IMMP2L: variants seen among roughly 807,000 people sequenced by gnomAD.
IMMP2L encodes the protein mitochondrial inner membrane protease subunit 2.
A neutral mutation model predicts 19.3 loss-of-function variants in IMMP2L; 18 were observed. The ratio of observed to expected loss-of-function variants is 0.93; its 90% CI spans 0.64 to 1.38. IMMP2L has a LOEUF of 1.38. Ranked by LOEUF, IMMP2L falls within the 40% of genes most tolerant of loss-of-function variation. IMMP2L has a pLI of 0.00. For missense variants in IMMP2L, 233 were observed against 218.2 expected, an observed-to-expected ratio of 1.07 and a Z score of -0.43; for synonymous variants, 76 against 73.0, an observed-to-expected ratio of 1.04 and a Z score of -0.21.
At chr7:110,718,076 C>A (rs528531062) in intron 5 of IMMP2L, among the ~76,000 whole-genome samples, 1 of 152,078 alleles carries the variant, frequency 6.6e-6, no homozygotes, top group Admixed American at 6.6e-5. Context: ...TAGTTTAGGA[C>A]CAAAAATGGG....
chr7:111,392,895 G>A, intron 3 of IMMP2L: 1 of 454,916 alleles, frequency 2.2e-6, no homozygotes, highest in Non-Finnish European at 4.4e-6. Flanking sequence ...AGTAGCTTTT[G>A]TCCCCATGGA....
Position 110,956,022 on chromosome 7 carries a change from G to A in IMMP2L, c.305+7478C>T, listed in dbSNP as rs7786637. ...GTTTTTCTTCCTATAAAGATTCATCGTTTGCTGGAACCTAATATGATTCAA... is the reference window on the plus strand; with the variant it reads ...GTTTTTCTTCCTATAAAGATTCATCATTTGCTGGAACCTAATATGATTCAA... On this transcript the variant is annotated intron_variant, in intron 4 of 5. Transcript: ENST00000405709. Among the ~76,000 whole-genome samples, 769 of 151,798 alleles carry A rather than the reference G, an allele frequency of 5.1e-3. 11 individuals carry two copies. Among genetic ancestry groups the A allele is most frequent in the African/African-American group, 0.018 (735 of 41,422 alleles).
At chr7:110,680,573 G>A (rs1469872817) in intron 5 of IMMP2L, among the ~76,000 whole-genome samples, 4 of 152,150 alleles carry the variant, frequency 2.6e-5, no homozygotes. Context: ...AGTTTTAAAT[G>A]TGCACATGGT....
In IMMP2L at chr7:110,886,648, A is replaced by G. The variant is rs1563054640; in HGVS notation, c.353T>C (p.Ile118Thr). Residue 118 changes from isoleucine (I) to threonine (T), a missense_variant, in exon 5 of 6, where the codon ATC (isoleucine) becomes ACC (threonine). Transcript: ENST00000405709. Reference protein sequence around the residue: ...NRYVKVPRGHIWVEGDHHGHS... With the variant: ...NRYVKVPRGHTWVEGDHHGHS... ...TCCATGATGATCACCTTCAACCCAG[A>G]TGTGACCACGGGGGACTTTGACATA... The G allele has an allele frequency of 6.2e-7, 1 of 1,610,468 alleles. No homozygotes were observed. The highest frequency in any genetic ancestry group is 1.7e-5 in the Admixed American group (1 of 59,944).
intron 3 of IMMP2L, among the ~76,000 whole-genome samples, chr7:111,476,872 T>TG (rs1378040248): frequency 1.3e-5 from 2 of 152,200 alleles, no homozygotes; most frequent in Non-Finnish European, 2.9e-5. Flanking sequence ...TAAGGGCTCA[T>TG]GTGATTGCAC....
chr7:111,140,692 T>C (rs28690804), intron 3 of IMMP2L, among the ~76,000 whole-genome samples: 4,027 of 152,270 alleles, frequency 0.026, 186 homozygotes, highest in African/African-American at 0.092. Flanking sequence ...TCACAGGATG[T>C]AGAACTGAAA....
chr7:111,478,009 T>G (rs999470743), intron 3 of IMMP2L, among the ~76,000 whole-genome samples: 18 of 152,198 alleles, frequency 1.2e-4, no homozygotes, highest in Non-Finnish European at 8.8e-5. Context: ...ATTCTGTGGA[T>G]TGATGTCTTT....
rs533711495 is a variant in IMMP2L at position 110,734,791 on chromosome 7, T to C, written c.409-71070A>G. Among the ~76,000 whole-genome samples, 64 of 152,304 alleles carry C rather than the reference T, an allele frequency of 4.2e-4. 2 individuals carry two copies. Among genetic ancestry groups the C allele is most frequent in the African/African-American group, 1.5e-3 (64 of 41,574 alleles). ...AAGTTGCTGGCACAAATAAGGGAAC[T>C]TGCCCAGGTGGCTTGCCTAAGACAT... On this transcript the variant is annotated intron_variant, in intron 5 of 5. Coordinates refer to ENST00000405709, the MANE Select transcript of IMMP2L (RefSeq NM_032549.4).
chr7:111,531,145 C>T (rs1847356635), intron 1 of IMMP2L, among the ~76,000 whole-genome samples: 1 of 151,896 alleles, frequency 6.6e-6, no homozygotes, highest in East Asian at 1.9e-4. Context: ...TTAGTAGAAA[C>T]AGGGTTTCAC....
rs114297321 is a variant in IMMP2L at position 111,374,107 on chromosome 7, A to C, written c.239+113131T>G. 2.8e-3 allele frequency among the ~76,000 whole-genome samples: 424 copies of C among 152,178 alleles called. 1 individual carries two copies. The highest frequency in any genetic ancestry group is 9.5e-3 in the African/African-American group (396 of 41,540). ...CATCATGGTCACTTCAGATTATATAATGGGAGCTGCTCTGAACTATCCAAG... is the reference window on the plus strand; with the variant it reads ...CATCATGGTCACTTCAGATTATATACTGGGAGCTGCTCTGAACTATCCAAG... On this transcript the variant is annotated intron_variant, in intron 3 of 5. Transcript: ENST00000405709.
intron 3 of IMMP2L, among the ~76,000 whole-genome samples, chr7:110,994,903 A>G (rs1822874783): frequency 6.6e-6 from 1 of 152,176 alleles, no homozygotes; most frequent in African/African-American, 2.4e-5. Context: ...GATATTACAC[A>G]GAAAGGAACA....
chr7:111,009,379 T>C (rs1230587607), intron 3 of IMMP2L, among the ~76,000 whole-genome samples: 1 of 152,040 alleles, frequency 6.6e-6, no homozygotes, highest in Non-Finnish European at 1.5e-5. Flanking sequence ...TTTTTCTGAG[T>C]GTATTTTTTA....
rs147244354 is a variant in IMMP2L, at chr7:110,755,520, C to G, written c.409-91799G>C. Among the ~76,000 whole-genome samples the G allele has an allele frequency of 2.6e-4, 39 of 152,170 alleles. No homozygotes were observed. In the East Asian group the frequency reaches 5.8e-3, roughly 23 times the overall value. ...TAGCCACAATCTAAATATAGCATCA[C>G]GTATTTATAGAGCACCTAATGTGTG... On this transcript the variant is annotated intron_variant, in intron 5 of 5. Transcript: ENST00000405709.
intron 5 of IMMP2L, among the ~76,000 whole-genome samples, chr7:110,731,675 TTAAA>T (rs1796285240): frequency 6.6e-6 from 1 of 152,142 alleles, no homozygotes; most frequent in African/African-American, 2.4e-5. Flanking sequence ...AAAAATGCCA[TTAAA>T]TATAATACCT....
chr7:111,306,447 TTC>T (rs1336014666), intron 3 of IMMP2L, among the ~76,000 whole-genome samples: 1 of 152,112 alleles, frequency 6.6e-6, no homozygotes, highest in Non-Finnish European at 1.5e-5. Context: ...TCCGTTCAAT[TTC>T]TCTGTGAAAC....
chr7:111,469,984 G>A (rs1458631154), intron 3 of IMMP2L, among the ~76,000 whole-genome samples: 3 of 151,960 alleles, frequency 2.0e-5, no homozygotes, highest in Admixed American at 2.0e-4. Flanking sequence ...ATCTGACAAA[G>A]GGCTAATATC....
rs146744088 is a variant in IMMP2L, at chr7:111,061,089, G to C, written c.240-97524C>G. On this transcript the variant is annotated intron_variant, in intron 3 of 5. Coordinates refer to ENST00000405709, the MANE Select transcript of IMMP2L (RefSeq NM_032549.4). ...GCATTCCTAAAACAAATGTATATGC[G>C]TGAAGTCTGGCTATTTAATCACCTG... Among the ~76,000 whole-genome samples the C allele has an allele frequency of 2.0e-5, 3 of 152,142 alleles. No homozygotes were observed. The East Asian group carries it at 5.8e-4, about 29-fold the overall frequency.
intron 3 of IMMP2L, among the ~76,000 whole-genome samples, chr7:111,126,202 G>A (rs1801292887): frequency 6.6e-6 from 1 of 151,998 alleles, no homozygotes; most frequent in African/African-American, 2.4e-5. Context: ...ATCTCTCTCT[G>A]ATTCAAAACA....
intron 5 of IMMP2L, among the ~76,000 whole-genome samples, chr7:110,670,878 A>G (rs190087110): frequency 1.3e-5 from 2 of 152,280 alleles, no homozygotes; most frequent in East Asian, 3.9e-4. Context: ...AACTCTTCCA[A>G]TAGGTTAAAT....
Sources: allele counts gnomAD v4.1 joint callset (sites outside exome capture counted in the v4.1 genomes callset), GRCh38; gene constraint gnomAD v4.1.1; transcripts MANE v1.5; gene names NCBI Gene and HGNC (gene_info 2026-07-23, HGNC 2026-07-21).